The following CNTNAP2 variants were observed in gnomAD, a reference collection of about 807,000 sequenced individuals.
CNTNAP2 encodes contactin-associated protein-like 2.
In CNTNAP2, 98 loss-of-function variants were observed where a neutral mutation model predicts 155.2. That is an observed-to-expected ratio of 0.63 (90% confidence interval 0.54 to 0.75). The LOEUF (loss-of-function observed/expected upper bound fraction) is 0.75. CNTNAP2 is among the 30% of genes least tolerant of loss of function. CNTNAP2 has a pLI of 0.00. For synonymous variants in CNTNAP2, 651 were observed against 631.2 expected, an observed-to-expected ratio of 1.03 and a Z score of -0.47; for missense variants, 1,727 against 1,688.1, an observed-to-expected ratio of 1.02 and a Z score of -0.40.
chr7:147,462,147 C>T (rs1798036331), intron 10 of CNTNAP2, among the ~76,000 whole-genome samples: 1 of 152,104 alleles, frequency 6.6e-6, no homozygotes, highest in Non-Finnish European at 1.5e-5. Context: ...GCTCAAGCAC[C>T]ACATCTAAAG....
chr7:146,540,140 G>A (rs1485006144), intron 1 of CNTNAP2, among the ~76,000 whole-genome samples: 1 of 152,070 alleles, frequency 6.6e-6, no homozygotes, highest in Non-Finnish European at 1.5e-5. Context: ...GATTACATGA[G>A]CAAGGTCTTA....
intron 10 of CNTNAP2, among the ~76,000 whole-genome samples, chr7:147,474,594 C>A (rs1584756335): frequency 1.3e-5 from 2 of 151,202 alleles, no homozygotes; most frequent in Admixed American, 1.3e-4. Flanking sequence ...AAAAAAAAAA[C>A]AAGAAAAACA....
chr7:146,336,931 A>G (rs1801287011), intron 1 of CNTNAP2, among the ~76,000 whole-genome samples: 1 of 152,186 alleles, frequency 6.6e-6, no homozygotes, highest in Non-Finnish European at 1.5e-5. Flanking sequence ...TGGGTTAACC[A>G]TGGCTGTAGT....
At chr7:147,738,836 G>A (rs531615410) in intron 13 of CNTNAP2, among the ~76,000 whole-genome samples, 97 of 151,922 alleles carry the variant, frequency 6.4e-4, no homozygotes, top group African/African-American at 2.2e-3. Context: ...TGTATTTTTA[G>A]TACAGACAGG....
intron 15 of CNTNAP2, among the ~76,000 whole-genome samples, chr7:148,011,774 T>C (rs1488248813): frequency 6.6e-6 from 1 of 152,238 alleles, no homozygotes; most frequent in Non-Finnish European, 1.5e-5. Context: ...AGGGCAGGCC[T>C]GTGGTTATGA....
intron 1 of CNTNAP2, among the ~76,000 whole-genome samples, chr7:146,729,944 C>A (rs1446238915): frequency 6.6e-6 from 1 of 152,104 alleles, no homozygotes; most frequent in African/African-American, 2.4e-5. Context: ...TCAATCTTAA[C>A]AATTAGATGA....
intron 1 of CNTNAP2, among the ~76,000 whole-genome samples, chr7:146,740,689 G>C (rs1445682789): frequency 6.6e-6 from 1 of 152,198 alleles, no homozygotes; most frequent in Non-Finnish European, 1.5e-5. Context: ...TGCTTTAGCT[G>C]GTACAATGCT....
intron 1 of CNTNAP2, among the ~76,000 whole-genome samples, chr7:146,623,450 C>A (rs554658006): frequency 6.6e-6 from 1 of 152,268 alleles, no homozygotes; most frequent in African/African-American, 2.4e-5. Flanking sequence ...ACAGAAAACC[C>A]TGCAACTAAT....
At chr7:147,226,542 A>T (rs1166717145) in intron 8 of CNTNAP2, among the ~76,000 whole-genome samples, 1 of 151,988 alleles carries the variant, frequency 6.6e-6, no homozygotes, top group Non-Finnish European at 1.5e-5. Context: ...AGCCAAAAAA[A>T]AAAATCATTA....
At chr7:146,872,622 G>T in intron 3 of CNTNAP2, among the ~76,000 whole-genome samples, 1 of 152,078 alleles carries the variant, frequency 6.6e-6, no homozygotes, top group East Asian at 1.9e-4. Flanking sequence ...CCTCCAAATT[G>T]GATAGTGCAT....
chr7:148,308,577 ATTTATTTATTT>A (rs1797532871), intron 21 of CNTNAP2, among the ~76,000 whole-genome samples: 1 of 150,540 alleles, frequency 6.6e-6, no homozygotes, highest in Non-Finnish European at 1.5e-5. Context: ...TTATTTATTT[ATTTATTTATTT>A]ATTATACTTT....
rs530405250 is a variant in CNTNAP2, at chr7:146,853,990, T to A, written c.402+14086T>A. ...AGAAGTCAAACTGTCCAAAATGGCA[T>A]GTGTGGGAACACATGAAAAGCCTAG... On this transcript the variant is annotated intron_variant, in intron 3 of 23. Transcript: ENST00000361727. 2.6e-5 allele frequency among the ~76,000 whole-genome samples: 4 copies of A among 152,334 alleles called. No individual in the cohort carries two copies. In the South Asian group the frequency reaches 8.3e-4, roughly 32 times the overall value.
chr7:148,020,915 T>A (rs1008482098), intron 15 of CNTNAP2, among the ~76,000 whole-genome samples: 2 of 152,172 alleles, frequency 1.3e-5, no homozygotes, highest in East Asian at 1.9e-4. Context: ...CTTAAGCAAC[T>A]CCCCAGAACA....
chr7:146,995,007 CCT>C (rs1240798063), intron 3 of CNTNAP2, among the ~76,000 whole-genome samples: 2 of 152,012 alleles, frequency 1.3e-5, no homozygotes, highest in African/African-American at 4.8e-5. Flanking sequence ...ACCACTCCAG[CCT>C]CTGTTAACCA....
chr7:146,231,337 A>C (rs1526079), intron 1 of CNTNAP2, among the ~76,000 whole-genome samples: 12,013 of 152,142 alleles, frequency 0.079, 506 homozygotes, highest in Middle Eastern at 0.14. Flanking sequence ...CGCAGGAGTG[A>C]ACCTGTTTTC....
intron 13 of CNTNAP2, among the ~76,000 whole-genome samples, chr7:147,774,988 T>C (rs1797535702): frequency 6.6e-6 from 1 of 151,704 alleles, no homozygotes; most frequent in African/African-American, 2.4e-5. Context: ...CTTACTATGC[T>C]GACTCTTATA....
rs1803295322 is a variant in CNTNAP2, at chr7:146,822,032, T to C, written c.209-17679T>C. Among the ~76,000 whole-genome samples the C allele has an allele frequency of 3.9e-5, 6 of 152,224 alleles. No individual in the cohort carries two copies. The South Asian group carries it at 1.2e-3, about 32-fold the overall frequency. ...AAAGACACATGCACACGTATGTTTA[T>C]TGCGGCACTATTCACAGTAGCAAAG... On this transcript the variant is annotated intron_variant, in intron 2 of 23. Coordinates refer to ENST00000361727, the MANE Select transcript of CNTNAP2 (RefSeq NM_014141.6).
intron 1 of CNTNAP2, among the ~76,000 whole-genome samples, chr7:146,594,433 T>TACACACAC (rs4016062): frequency 0.098 from 14,695 of 149,344 alleles, 893 homozygotes; most frequent in African/African-American, 0.18. Context: ...TACTAGTGTT[T>TACACACAC]ACACACACAC....
At chr7:147,544,178 A>G (rs1799688506) in intron 11 of CNTNAP2, among the ~76,000 whole-genome samples, 1 of 152,208 alleles carries the variant, frequency 6.6e-6, no homozygotes. Flanking sequence ...TAAATGTACA[A>G]CATATAATGT....
Sources: gnomAD v4.1 joint callset for allele counts (sites outside exome capture counted in the v4.1 genomes callset) on GRCh38, gnomAD v4.1.1 for gene constraint, MANE v1.5 for transcripts, NCBI Gene and HGNC (gene_info 2026-07-23, HGNC 2026-07-21) for gene names.